The following STARD3 variants were observed in gnomAD, a reference collection of about 807,000 sequenced individuals.
STARD3 encodes the protein stAR-related lipid transfer protein 3.
A neutral mutation model predicts 62.0 loss-of-function variants in STARD3; 39 were observed. That is an observed-to-expected ratio of 0.63 (90% CI 0.49 to 0.82). The LOEUF is 0.82. STARD3 is among the 40% of genes least tolerant of loss of function. The pLI is 0.00. For missense variants in STARD3, 543 were observed against 584.5 expected (o/e 0.93, Z 0.73); for synonymous variants, 229 against 242.4 (o/e 0.94, Z 0.51).
At position 39,663,030 on chromosome 17, in the gene STARD3, G is replaced by A. The variant is rs770058882; in HGVS notation, c.*122G>A. 8 of 994,304 alleles carry A rather than the reference G, an allele frequency of 8.0e-6. No homozygotes were observed. Among genetic ancestry groups the A allele is most frequent in the Admixed American group, 2.6e-5 (1 of 37,870 alleles). 61.6% of individuals were successfully genotyped at this position (994,304 alleles called of 1,614,324 possible). The stretch of plus-strand genomic sequence containing the variant: ...TGGCCCCAGGCTGTCACCCTCCACC[G>A]AGCCACGCAGTGCCTGGAGTTGACT... On this transcript the variant is annotated 3_prime_UTR_variant, in exon 15 of 15. Transcript: ENST00000336308.
Position 39,639,461 on chromosome 17 carries a change from T to TA in STARD3, c.-52+2232dup, listed in dbSNP as rs570901249. On this transcript the variant is annotated intron_variant, in intron 1 of 14. Transcript: ENST00000336308. ...GGGCGGCTTCTGAGGAGCTGACAGT[T>TA]AATGGGGCCTATAAAGCGATGGGAG... 7.2e-4 allele frequency among the ~76,000 whole-genome samples: 110 copies of TA among 152,222 alleles called. 1 individual carries two copies. The highest frequency in any genetic ancestry group is 2.5e-3 in the African/African-American group (105 of 41,520).
intron 13 of STARD3, chr17:39,661,361 G>T (rs1303450356): frequency 4.1e-6 from 2 of 489,792 alleles, no homozygotes; most frequent in South Asian, 4.4e-5. Context: ...ATGGGGACCC[G>T]TGCAGGGAAG....
intron 1 of STARD3, chr17:39,651,828 A>T (rs1597793475): frequency 6.6e-6 from 1 of 152,362 alleles, no homozygotes; most frequent in African/African-American, 2.4e-5. Context: ...CCCGCCTCCC[A>T]GAGTGCTGGG....
intron 14 of STARD3, 101 bp from the exon 15 acceptor site, chr17:39,662,703 A>G (rs2057213352): frequency 8.8e-7 from 1 of 1,133,150 alleles, no homozygotes; most frequent in Non-Finnish European, 1.3e-6. Context: ...CCAGAGCTGC[A>G]CCTGCATTCT....
chr17:39,658,268 A>G (rs1489703211), intron 5 of STARD3, 137 bp from the exon 6 acceptor site: 2 of 873,298 alleles, frequency 2.3e-6, no homozygotes, highest in Non-Finnish European at 3.6e-6. Context: ...CCTGCTGCAG[A>G]CTTGAGAGGG....
At chr17:39,653,383 G>T in intron 1 of STARD3, 98 bp from the exon 2 acceptor site, 1 of 810,270 alleles carries the variant, frequency 1.2e-6, no homozygotes, top group South Asian at 1.8e-5. Context: ...GGGACCCAGT[G>T]TAGAGACAAA....
chr17:39,662,524 T>C (rs2057211446), intron 14 of STARD3, 180 bp downstream of exon 14: 1 of 668,534 alleles, frequency 1.5e-6, no homozygotes, highest in Non-Finnish European at 2.5e-6. Flanking sequence ...TGGGTTGCTG[T>C]AGGGCATGTG....
At chr17:39,657,939 T>A in intron 4 of STARD3, 34 bp from the exon 5 acceptor site, 1 of 1,607,870 alleles carries the variant, frequency 6.2e-7, no homozygotes, top group Non-Finnish European at 8.5e-7. Context: ...TCCCAGCCTC[T>A]GCCTTCCCCT....
chr17:39,637,331 C>G (rs987566454), intron 1 of STARD3, 100 bp downstream of exon 1: 19 of 152,432 alleles, frequency 1.2e-4, no homozygotes, highest in African/African-American at 4.3e-4. Flanking sequence ...GGGTTCCGTC[C>G]GACCCTTCCC....
rs2057001334 is a variant in STARD3 at position 39,643,799 on chromosome 17, TCC to T, written c.-52+6570_-52+6571del. On this transcript the variant is annotated intron_variant, in intron 1 of 14. Coordinates refer to ENST00000336308, the MANE Select transcript of STARD3 (RefSeq NM_006804.4). Reference sequence around the variant, plus strand: ...TCTCTGGAGAAGAGCAGGAAAGTAATCCCAGCTAACCCTCATGCAGCCACCAC... The same window carrying T: ...TCTCTGGAGAAGAGCAGGAAAGTAATCAGCTAACCCTCATGCAGCCACCAC... Among the ~76,000 whole-genome samples the T allele has an allele frequency of 1.3e-5, 2 of 152,206 alleles. 1 individual carries two copies. The highest frequency in any genetic ancestry group is 4.1e-4 in the South Asian group (2 of 4,832).
At chr17:39,656,931 T>C in intron 2 of STARD3, 77 bp from the exon 3 acceptor site, 2 of 1,441,760 alleles carry the variant, frequency 1.4e-6, no homozygotes, top group Middle Eastern at 1.8e-4. Context: ...CCCTACCTCT[T>C]GCCCCTTCCG....
chr17:39,659,532 C>A lies in STARD3; in HGVS notation c.774C>A (p.Asn258Lys). 1 of 1,614,144 alleles carries A rather than the reference C, an allele frequency of 6.2e-7. No individual in the cohort carries two copies. Among genetic ancestry groups the A allele is most frequent in the Non-Finnish European group, 8.5e-7 (1 of 1,180,008 alleles). The part of the protein sequence containing the change: ...VVDQILAQEE[N>K]WKFEKNNEYG... ...ACCAGATCTTGGCCCAGGAAGAGAA[C>A]TGGAAGTTTGAGAAGAATAATGTAA... The change falls in exon 9 of 15, where the codon AAC becomes AAA. Residue 258 changes from asparagine to lysine, a missense_variant. By Grantham distance (94) the Asn-to-Lys change is moderately conservative (BLOSUM62 0). Transcript: ENST00000336308.
Position 39,663,124 on chromosome 17 carries a change from C to G in STARD3, c.*216C>G. 1 of 489,388 alleles carries G rather than the reference C, an allele frequency of 2.0e-6. No individual in the cohort carries two copies. Among genetic ancestry groups the G allele is most frequent in the Non-Finnish European group, 3.6e-6 (1 of 279,824 alleles). The allele number at this position is 489,388 out of a possible 1,614,324, so 30.3% of individuals were successfully genotyped here. On this transcript the variant is annotated 3_prime_UTR_variant, in exon 15 of 15. Coordinates refer to ENST00000336308, the MANE Select transcript of STARD3 (RefSeq NM_006804.4). ...ACTGGCTGGAGGAAGTGGGGTCTGG[C>G]CTGTTGATGTTTACATGGCGCCCTG...
Position 39,664,190 on chromosome 17 carries a change from T to G in STARD3, c.*1282T>G, listed in dbSNP as rs182065817. 5.3e-4 allele frequency: 81 copies of G among 152,518 alleles called. No homozygotes were observed. The highest frequency in any genetic ancestry group is 1.8e-3 in the African/African-American group (74 of 41,564). 9.4% of individuals were successfully genotyped at this position (152,518 alleles called of 1,614,324 possible). On this transcript the variant is annotated 3_prime_UTR_variant, in exon 15 of 15. Transcript: ENST00000336308. ...AGGGTTGTTATGAGATTAAAAGATA[T>G]GAAGAACCGGGGACAGTGCTCAGTA...
Position 39,663,691 on chromosome 17 carries a change from T to C in STARD3, c.*783T>C, listed in dbSNP as rs1597803747. On this transcript the variant is annotated 3_prime_UTR_variant, in exon 15 of 15. Transcript: ENST00000336308. ...TGACCAGTTCAACTGAGCAGATGAC[T>C]GGTCAGAAAAAAATGCCCCGCCCCC... is the stretch of plus-strand genomic sequence containing the variant. Among the ~76,000 whole-genome samples the C allele has an allele frequency of 3.1e-5, 4 of 129,836 alleles. No individual in the cohort carries two copies. The Middle Eastern group carries it at 0.019, about 618-fold the overall frequency. The allele number at this position is 129,836 out of a possible 152,430, so 85.2% of individuals were successfully genotyped here.
At chr17:39,661,174 C>A in intron 13 of STARD3, 89 bp downstream of exon 13, 3 of 1,194,168 alleles carry the variant, frequency 2.5e-6, no homozygotes, top group Non-Finnish European at 3.6e-6. Flanking sequence ...CAGCTGGGCA[C>A]TTCCCCTGCT....
chr17:39,662,513 C>A, intron 14 of STARD3, 169 bp downstream of exon 14: 1 of 696,800 alleles, frequency 1.4e-6, no homozygotes. Context: ...TCTCTTAGCC[C>A]TGGGTTGCTG....
intron 13 of STARD3, 115 bp downstream of exon 13, chr17:39,661,200 T>G (rs2145045792): frequency 6.8e-6 from 6 of 885,390 alleles, no homozygotes; most frequent in Non-Finnish European, 1.1e-5. Flanking sequence ...TGCGTTCCTG[T>G]TCCCTGTCCC....
In STARD3 at chr17:39,657,043, G is replaced by A. The variant is rs1364705937; in HGVS notation, c.255G>A (p.Glu85=). Residue 85 remains glutamate (E), a synonymous_variant, in exon 3 of 15, where the codon GAG becomes GAA. Coordinates refer to ENST00000336308, the MANE Select transcript of STARD3 (RefSeq NM_006804.4). ...GCATCCGTAAGAACTTGGAGCAGGA[G>A]ATCATCCAGTACAACTTTAAAACTT... is the stretch of plus-strand genomic sequence containing the variant. ...NTGIRKNLEQ[E]IIQYNFKTSF... is the part of the protein sequence containing the mutation. 1.2e-6 allele frequency: 2 copies of A among 1,614,088 alleles called. No homozygotes were observed. The highest frequency in any genetic ancestry group is 2.2e-5 in the East Asian group (1 of 44,890).
Sources: gnomAD v4.1 joint callset for allele counts (sites outside exome capture counted in the v4.1 genomes callset) on GRCh38, gnomAD v4.1.1 for gene constraint, MANE v1.5 for transcripts, NCBI Gene and HGNC (gene_info 2026-07-23, HGNC 2026-07-21) for gene names.